DNAI4: variants seen among roughly 807,000 people sequenced by gnomAD.
The protein encoded by DNAI4 is WD repeat domain 78.
Under a neutral mutation model 105.8 loss-of-function variants are expected in DNAI4, and 85 were observed. That is an observed-to-expected ratio of 0.80 (90% CI 0.67 to 0.96). The LOEUF is 0.96. DNAI4 is among the 40% of genes least tolerant of loss of function. The probability of loss-of-function intolerance (pLI) is 0.00; values close to 1 mark genes in which losing one functional copy is unlikely to be tolerated. For missense variants in DNAI4, 1,014 were observed against 1,005.6 expected (o/e 1.01, Z -0.11); for synonymous variants, 352 against 331.5 (o/e 1.06, Z -0.67).
chr1:66,869,652 C>T (rs943046272), intron 6 of DNAI4, among the ~76,000 whole-genome samples: 3 of 152,118 alleles, frequency 2.0e-5, no homozygotes, highest in Admixed American at 6.5e-5. Context: ...AAGAAACTGA[C>T]AAGGAATAAA....
Position 66,835,618 on chromosome 1 carries a change from A to T in DNAI4, c.1733+8T>A, listed in dbSNP as rs1645968253. 6.2e-7 allele frequency: 1 copy of T among 1,612,872 alleles called. No homozygotes were observed. The highest frequency in any genetic ancestry group is 8.5e-7 in the Non-Finnish European group (1 of 1,179,446). On this transcript the variant is annotated splice_region_variant and intron_variant, in intron 11 of 16. Coordinates refer to ENST00000371026, the MANE Select transcript of DNAI4 (RefSeq NM_024763.5). Reference sequence around the variant, plus strand: ...TATTATACATTTATCTAATTCTCGGATTCTTACCTACTATCCAGAACTGGA... The same window carrying T: ...TATTATACATTTATCTAATTCTCGGTTTCTTACCTACTATCCAGAACTGGA...
intron 7 of DNAI4, among the ~76,000 whole-genome samples, chr1:66,858,308 T>A (rs1468773364): frequency 2.0e-5 from 3 of 151,452 alleles, no homozygotes; most frequent in African/African-American, 7.3e-5. Flanking sequence ...GGCCGGCAGA[T>A]CTTGAAGTCA....
intron 2 of DNAI4, among the ~76,000 whole-genome samples, chr1:66,894,336 G>A (rs889898340): frequency 6.6e-6 from 1 of 152,108 alleles, no homozygotes; most frequent in African/African-American, 2.4e-5. Context: ...TCCGTTTGGA[G>A]GGGGAGAATT....
intron 16 of DNAI4, among the ~76,000 whole-genome samples, chr1:66,815,830 A>G (rs893516452): frequency 2.6e-5 from 4 of 152,204 alleles, no homozygotes; most frequent in Non-Finnish European, 5.9e-5. Context: ...TAAAGTTACA[A>G]TTGGAAGCCT....
At chr1:66,844,119 AC>A in intron 8 of DNAI4, among the ~76,000 whole-genome samples, 1 of 147,220 alleles carries the variant, frequency 6.8e-6, no homozygotes, top group East Asian at 2.0e-4. Flanking sequence ...TTTAAACCTT[AC>A]CTTAGTCCAT....
chr1:66,851,660 T>TA (rs1001186110), intron 7 of DNAI4, among the ~76,000 whole-genome samples: 3 of 151,698 alleles, frequency 2.0e-5, no homozygotes, highest in Non-Finnish European at 4.4e-5. Flanking sequence ...CTTAGAATCT[T>TA]AAAAAAACAA....
In DNAI4 at chr1:66,892,995, A is replaced by AAGAAAGAG. The variant is rs1196405278; in HGVS notation, c.530+233_530+234insCTCTTTCT. On this transcript the variant is annotated intron_variant, in intron 3 of 16. Transcript: ENST00000371026. ...AAAGAAAGAAAGAAAGAAAGAAAGA[A>AAGAAAGAG]AGAGAGAAAGAGAGAGAGGAAAGAA... Among the ~76,000 whole-genome samples the AAGAAAGAG allele has an allele frequency of 5.2e-4, 60 of 114,656 alleles. 1 individual carries two copies. The highest frequency in any genetic ancestry group is 2.0e-3 in the African/African-American group (51 of 25,494). The allele number at this position is 114,656 out of a possible 152,430, so 75.2% of individuals were successfully genotyped here.
At chr1:66,862,957 A>G (rs2100611560) in intron 6 of DNAI4, among the ~76,000 whole-genome samples, 2 of 152,334 alleles carry the variant, frequency 1.3e-5, no homozygotes, top group Non-Finnish European at 2.9e-5. Flanking sequence ...CATTTTTATC[A>G]AGTAAAATTT....
intron 3 of DNAI4, 117 bp downstream of exon 3, chr1:66,893,112 A>AGAAG (rs1491413864): frequency 6.0e-6 from 3 of 500,678 alleles, no homozygotes; most frequent in Non-Finnish European, 9.9e-6. Context: ...AAAGAAAGAA[A>AGAAG]GAAAGAAAGA....
chr1:66,881,197 G>A (rs1647062588), intron 4 of DNAI4, among the ~76,000 whole-genome samples: 1 of 152,244 alleles, frequency 6.6e-6, no homozygotes, highest in African/African-American at 2.4e-5. Context: ...AATGCAGAAG[G>A]GAAATGTGGG....
At chr1:66,870,777 A>T (rs1204266648) in intron 6 of DNAI4, 2 of 149,802 alleles carry the variant, frequency 1.3e-5, no homozygotes, top group Admixed American at 6.7e-5. Flanking sequence ...AAAAAAAAAA[A>T]GGAAAAATAT....
In DNAI4 at chr1:66,835,751, T is replaced by A; in HGVS notation, c.1608A>T (p.Pro536=). ...PMWPERIYQS[P]YGVTAVDFSI... ...AAAAATCCACAGCAGTAACTCCATATGGACTCTGATAAATACGTTCTGGCC... is the reference window on the plus strand; with the variant it reads ...AAAAATCCACAGCAGTAACTCCATAAGGACTCTGATAAATACGTTCTGGCC... Residue 536 remains proline (P), a synonymous_variant, in exon 11 of 17, where the codon CCA becomes CCT. Coordinates refer to ENST00000371026, the MANE Select transcript of DNAI4 (RefSeq NM_024763.5). 1 of 1,614,096 alleles carries A rather than the reference T, an allele frequency of 6.2e-7. No individual in the cohort carries two copies. The highest frequency in any genetic ancestry group is 8.5e-7 in the Non-Finnish European group (1 of 1,179,984).
intron 13 of DNAI4, among the ~76,000 whole-genome samples, chr1:66,831,667 T>C (rs1413052230): frequency 5.9e-5 from 9 of 152,162 alleles, no homozygotes; most frequent in Admixed American, 5.9e-4. Context: ...TCTGACACCA[T>C]ACCTAATAGT....
chr1:66,836,346 A>T (rs978174613), intron 10 of DNAI4, among the ~76,000 whole-genome samples: 1 of 151,988 alleles, frequency 6.6e-6, no homozygotes, highest in African/African-American at 2.4e-5. Context: ...GAAGGAAGGG[A>T]GGAAAGTAGG....
At position 66,893,367 on chromosome 1, in the gene DNAI4, T is replaced by TGGTAAAGGGGGGGGGGGGGG; in HGVS notation, c.391_392insCCCCCCCCCCCCCCTTTACC (p.His131ProfsTer22). ...TGCTGTACCAGTAAGTGGATCTGGA[T>TGGTAAAGGGGGGGGGGGGGG]GGTAAAGAGGTCGGGGAGTAACATC... On this transcript the variant is annotated frameshift_variant, in exon 3 of 17. Coordinates refer to ENST00000371026, the MANE Select transcript of DNAI4 (RefSeq NM_024763.5). LOFTEE classifies it high-confidence loss of function. 6.3e-7 allele frequency: 1 copy of TGGTAAAGGGGGGGGGGGGGG among 1,599,764 alleles called. No individual in the cohort carries two copies.
intron 13 of DNAI4, among the ~76,000 whole-genome samples, chr1:66,832,042 G>T (rs767888832): frequency 5.9e-5 from 9 of 152,100 alleles, no homozygotes; most frequent in Non-Finnish European, 8.8e-5. Flanking sequence ...GATACTGGTA[G>T]CCCTTCCCCA....
chr1:66,904,591 T>C (rs1221077106), intron 2 of DNAI4, among the ~76,000 whole-genome samples: 1 of 152,198 alleles, frequency 6.6e-6, no homozygotes, highest in African/African-American at 2.4e-5. Context: ...TTTATCAAAA[T>C]ATGCTTTGTA....
At position 66,849,343 on chromosome 1, in the gene DNAI4, T is replaced by C. The variant is rs1375650500; in HGVS notation, c.1097-1665A>G. 7.9e-5 allele frequency among the ~76,000 whole-genome samples: 12 copies of C among 152,290 alleles called. No homozygotes were observed. In the East Asian group the frequency reaches 1.9e-3, roughly 24 times the overall value. On this transcript the variant is annotated intron_variant, in intron 7 of 16. Transcript: ENST00000371026. ...GAAGACACAACTTCCCCTGATGTCA[T>C]TGGAGGTCAAGTGGCAAATATAGAC...
Position 66,847,634 on chromosome 1 carries a change from C to A in DNAI4, c.1141G>T (p.Ala381Ser), listed in dbSNP as rs1027335998. 7 of 1,612,946 alleles carry A rather than the reference C, an allele frequency of 4.3e-6. No homozygotes were observed. In the Admixed American group the frequency reaches 1.2e-4, roughly 27 times the overall value. ...TCTTCCTCATCTTCATGGATTTTTG[C>A]CAGAATTACATTTTCTATGTCCATT... ...SLMDIENVILAKIHEDEEDHS... is the reference protein window; with the variant it reads ...SLMDIENVILSKIHEDEEDHS... Residue 381 changes from alanine (A) to serine (S), a missense_variant, in exon 8 of 17, where the codon GCA becomes TCA. Transcript: ENST00000371026.
Sources: gnomAD v4.1 joint callset for allele counts (sites outside exome capture counted in the v4.1 genomes callset) on GRCh38, gnomAD v4.1.1 for gene constraint, MANE v1.5 for transcripts, NCBI Gene and HGNC (gene_info 2026-07-23, HGNC 2026-07-21) for gene names.